ABCA12: variants seen among roughly 807,000 people sequenced by gnomAD.
ABCA12 encodes the protein glucosylceramide transporter ABCA12.
A neutral mutation model predicts 293.5 loss-of-function variants in ABCA12; 156 were observed. The ratio of observed to expected loss-of-function variants is 0.53; its 90% CI spans 0.47 to 0.61. The LOEUF (loss-of-function observed/expected upper bound fraction) is 0.61, where lower values mean the gene tolerates loss of function less well. Among genes scored for constraint, ABCA12 ranks in the 20% least tolerant of loss-of-function variants. The pLI is 0.00. For synonymous variants in ABCA12, 1,063 were observed against 1,108.0 expected, an observed-to-expected ratio of 0.96 and a Z score of 0.81; for missense variants, 2,797 against 3,090.2, an observed-to-expected ratio of 0.91 and a Z score of 2.25.
intron 1 of ABCA12, among the ~76,000 whole-genome samples, chr2:215,114,141 A>G (rs1436511545): frequency 2.6e-5 from 4 of 151,982 alleles, no homozygotes; most frequent in Non-Finnish European, 4.4e-5. Context: ...TGCCCAGCTA[A>G]TTTTTGTATT....
At chr2:215,063,761 G>A (rs999734815) in intron 3 of ABCA12, among the ~76,000 whole-genome samples, 1 of 151,842 alleles carries the variant, frequency 6.6e-6, no homozygotes, top group Non-Finnish European at 1.5e-5. Context: ...ATGAGTCTCA[G>A]GCAATGTGTC....
intron 36 of ABCA12, among the ~76,000 whole-genome samples, chr2:214,972,394 T>C (rs1699405122): frequency 1.3e-5 from 2 of 152,150 alleles, no homozygotes; most frequent in African/African-American, 4.8e-5. Flanking sequence ...GAAGATCTAC[T>C]GGATTTTTAA....
At chr2:214,973,696 C>T (rs971326922) in intron 36 of ABCA12, among the ~76,000 whole-genome samples, 5 of 152,102 alleles carry the variant, frequency 3.3e-5, no homozygotes, top group African/African-American at 1.2e-4. Context: ...ACCAAAAATT[C>T]ATTTTCGGTT....
chr2:215,106,514 A>G (rs1172310927), intron 2 of ABCA12, among the ~76,000 whole-genome samples: 2 of 152,208 alleles, frequency 1.3e-5, no homozygotes, highest in African/African-American at 2.4e-5. Context: ...AGGCTCCAGC[A>G]CATAATAACC....
At position 215,026,841 on chromosome 2, in the gene ABCA12, T is replaced by C. The variant is rs1210883247; in HGVS notation, c.1159A>G (p.Ser387Gly). The C allele has an allele frequency of 3.7e-6, 6 of 1,610,998 alleles. No individual in the cohort carries two copies. In the African/African-American group the frequency reaches 4.0e-5, roughly 11 times the overall value. The change falls in exon 10 of 53, where the codon AGT becomes GGT. Residue 387 changes from serine to glycine, a missense_variant. Ser to Gly is a moderately conservative substitution (Grantham distance 56, BLOSUM62 0). Around this residue, in one of 3 missense-constraint regions of ABCA12, gnomAD observed 656 missense variants for 638.2 expected, o/e 1.03. Coordinates refer to ENST00000272895, the MANE Select transcript of ABCA12 (RefSeq NM_173076.3). ...TTACCTGGTGAACCTCTGGCCAAACTGTCAGTCACATTTCTCACACATGCC... is the reference window on the plus strand; with the variant it reads ...TTACCTGGTGAACCTCTGGCCAAACCGTCAGTCACATTTCTCACACATGCC... The part of the protein sequence containing the change: ...YLACVRNVTD[S>G]LARGSPENLR...
chr2:215,094,865 A>G (rs955718744), intron 2 of ABCA12, among the ~76,000 whole-genome samples: 6 of 151,058 alleles, frequency 4.0e-5, no homozygotes, highest in African/African-American at 1.5e-4. Flanking sequence ...GCAAGACATC[A>G]TCTCTTTTGG....
At chr2:215,048,248 A>G (rs898791330) in intron 6 of ABCA12, among the ~76,000 whole-genome samples, 3 of 152,138 alleles carry the variant, frequency 2.0e-5, no homozygotes, top group Non-Finnish European at 4.4e-5. Flanking sequence ...CATTGTGGAA[A>G]ACAGTGTGGT....
intron 30 of ABCA12, among the ~76,000 whole-genome samples, chr2:214,981,541 G>A (rs1699653432): frequency 6.6e-6 from 1 of 152,134 alleles, no homozygotes; most frequent in African/African-American, 2.4e-5. Flanking sequence ...AAAAAGGCCA[G>A]TTAAGTGCTC....
chr2:215,082,381 C>T (rs1701961172), intron 2 of ABCA12, among the ~76,000 whole-genome samples: 1 of 151,988 alleles, frequency 6.6e-6, no homozygotes, highest in Admixed American at 6.6e-5. Context: ...CAGGATAAAA[C>T]CCACCCCTTA....
At chr2:215,012,879 T>C (rs1700407498) in intron 15 of ABCA12, among the ~76,000 whole-genome samples, 2 of 152,234 alleles carry the variant, frequency 1.3e-5, no homozygotes, top group South Asian at 4.1e-4. Flanking sequence ...TGTATACTAT[T>C]GCTCAAAAAT....
At chr2:215,078,374 C>T (rs1701873759) in intron 2 of ABCA12, among the ~76,000 whole-genome samples, 1 of 152,144 alleles carries the variant, frequency 6.6e-6, no homozygotes, top group Admixed American at 6.5e-5. Context: ...TGTGTTTAGC[C>T]TTTGTCTTCC....
At chr2:215,086,305 T>C (rs1294076663) in intron 2 of ABCA12, among the ~76,000 whole-genome samples, 2 of 152,230 alleles carry the variant, frequency 1.3e-5, no homozygotes, top group African/African-American at 4.8e-5. Flanking sequence ...AGTTAACTTT[T>C]GAAGTTACCA....
chr2:215,089,205 T>C (rs1371360251), intron 2 of ABCA12, among the ~76,000 whole-genome samples: 4 of 152,096 alleles, frequency 2.6e-5, no homozygotes, highest in Admixed American at 6.6e-5. Context: ...TTATTTTTTT[T>C]TCCCAGGCCT....
intron 2 of ABCA12, among the ~76,000 whole-genome samples, chr2:215,070,412 A>G (rs1701714366): frequency 6.6e-6 from 1 of 151,712 alleles, no homozygotes; most frequent in Non-Finnish European, 1.5e-5. Context: ...TTATACTTTA[A>G]GTTTTAGGGT....
At chr2:215,124,273 G>A (rs1399590572) in intron 1 of ABCA12, among the ~76,000 whole-genome samples, 4 of 152,098 alleles carry the variant, frequency 2.6e-5, no homozygotes, top group Admixed American at 6.6e-5. Flanking sequence ...TTCTATAAAC[G>A]TGTGTGCAAG....
At chr2:215,132,118 A>AT (rs1341173911) in intron 1 of ABCA12, among the ~76,000 whole-genome samples, 1 of 151,908 alleles carries the variant, frequency 6.6e-6, no homozygotes, top group African/African-American at 2.4e-5. Context: ...TATGATTTCA[A>AT]TTTTTTTGAA....
rs1414613198 is a variant in ABCA12 at position 214,966,902 on chromosome 2, G to T, written c.5830C>A (p.Leu1944Met). 1 of 1,613,846 alleles carries T rather than the reference G, an allele frequency of 6.2e-7. No individual in the cohort carries two copies. The highest frequency in any genetic ancestry group is 8.5e-7 in the Non-Finnish European group (1 of 1,179,826). The change falls in exon 39 of 53, where the codon CTG becomes ATG. Residue 1944 changes from leucine to methionine, a missense_variant. By Grantham distance (15) the Leu-to-Met change is conservative (BLOSUM62 2). Around this residue, in one of 3 missense-constraint regions of ABCA12, gnomAD observed 2,130 missense variants for 2,427.0 expected, o/e 0.88. Transcript: ENST00000272895. ...YHSLPAYLNS[L>M]NNFLLRVNMS... The stretch of plus-strand genomic sequence containing the variant: ...TTAACTCGCAGAAGGAAATTATTCA[G>T]GCTGTTGAGGTAAGCTGGAAGGGAG...
At chr2:215,121,676 T>C (rs1213076454) in intron 1 of ABCA12, among the ~76,000 whole-genome samples, 6 of 152,086 alleles carry the variant, frequency 3.9e-5, no homozygotes, top group Non-Finnish European at 1.5e-5. Flanking sequence ...GAATTGTAGC[T>C]CCCATAATCC....
rs571596986 is a variant in ABCA12, at chr2:214,984,286, G to A, written c.4164-421C>T. 4.5e-4 allele frequency among the ~76,000 whole-genome samples: 69 copies of A among 151,908 alleles called. No homozygotes were observed. The South Asian group carries it at 5.4e-3, about 12-fold the overall frequency. On this transcript the variant is annotated intron_variant, in intron 28 of 52. Coordinates refer to ENST00000272895, the MANE Select transcript of ABCA12 (RefSeq NM_173076.3). Reference sequence around the variant, plus strand: ...TAATTTTTGTATTTTTAGTAGAGACGGGGGTTTCACTGTATTAGCCAGGAT... The same window carrying A: ...TAATTTTTGTATTTTTAGTAGAGACAGGGGTTTCACTGTATTAGCCAGGAT...
Sources: gnomAD v4.1 joint callset for allele counts (sites outside exome capture counted in the v4.1 genomes callset) on GRCh38, gnomAD v4.1.1 for gene constraint, gnomAD v4.1.1 regional missense constraint, MANE v1.5 for transcripts, NCBI Gene and HGNC (gene_info 2026-07-23, HGNC 2026-07-21) for gene names.